The following NBAS variants were observed in gnomAD, a reference collection of about 807,000 sequenced individuals.
NBAS encodes the protein NAG/BC035112 fusion.
In NBAS, 219 loss-of-function variants were observed where a neutral mutation model predicts 302.5. The ratio of observed to expected loss-of-function variants is 0.72; its 90% CI spans 0.65 to 0.81. The LOEUF is 0.81. Ranked by LOEUF, NBAS falls within the 30% of genes least tolerant of loss-of-function variation. The pLI is 0.00. For missense variants in NBAS, 2,932 were observed against 2,841.6 expected (o/e 1.03, Z -0.72); for synonymous variants, 1,118 against 1,021.6 (o/e 1.09, Z -1.80).
chr2:15,397,729 C>T lies in NBAS; in HGVS notation c.3072-1254G>A, dbSNP rs1675937536. 6 of 353,844 alleles carry T rather than the reference C, an allele frequency of 1.7e-5. No homozygotes were observed. In the South Asian group the frequency reaches 2.2e-4, roughly 13 times the overall value. 21.9% of individuals were successfully genotyped at this position (353,844 alleles called of 1,614,324 possible). A position where few individuals can be genotyped will look rare whatever the true frequency, so the allele number is the denominator to read the frequency against. Reference sequence around the variant, plus strand: ...CACAGTTCATGCAGTGAACAGGCTGCATGTGGCTGTGGCCCTTTTTGGCAT... The same window carrying T: ...CACAGTTCATGCAGTGAACAGGCTGTATGTGGCTGTGGCCCTTTTTGGCAT... On this transcript the variant is annotated intron_variant, in intron 26 of 51. Coordinates refer to ENST00000281513, the MANE Select transcript of NBAS (RefSeq NM_015909.4).
the NBAS span, among the ~76,000 whole-genome samples, chr2:15,138,172 C>A: frequency 6.6e-6 from 1 of 152,154 alleles, no homozygotes; most frequent in Non-Finnish European, 1.5e-5. Flanking sequence ...GGATGGGAAA[C>A]AGTCGGGTGG....
intron 38 of NBAS, among the ~76,000 whole-genome samples, chr2:15,319,935 C>T (rs994055335): frequency 6.6e-5 from 10 of 150,676 alleles, no homozygotes; most frequent in African/African-American, 2.4e-4. Context: ...GGCAGAGACA[C>T]AACAAAAAAA....
At chr2:15,514,446 C>T (rs1662291505) in intron 9 of NBAS, among the ~76,000 whole-genome samples, 1 of 152,090 alleles carries the variant, frequency 6.6e-6, no homozygotes, top group South Asian at 2.1e-4. Flanking sequence ...ATTCATAAAA[C>T]ATACCTTTAA....
intron 38 of NBAS, among the ~76,000 whole-genome samples, chr2:15,326,389 C>T (rs559185202): frequency 3.9e-5 from 6 of 152,238 alleles, no homozygotes; most frequent in East Asian, 3.9e-4. Flanking sequence ...CCAATGTTTG[C>T]GAATGTTTTG....
chr2:15,276,298 T>G (rs541841834), intron 43 of NBAS, among the ~76,000 whole-genome samples: 1 of 152,216 alleles, frequency 6.6e-6, no homozygotes, highest in East Asian at 1.9e-4. Context: ...ACTCTCACAA[T>G]TATTATGAAT....
the NBAS span, among the ~76,000 whole-genome samples, chr2:15,085,309 C>T: frequency 0.049 from 7,432 of 152,040 alleles, 408 homozygotes; most frequent in African/African-American, 0.12. Context: ...CCAAGGGTGC[C>T]GTGTTCCTGC....
At chr2:15,071,992 G>C in the NBAS span, among the ~76,000 whole-genome samples, 1 of 152,174 alleles carries the variant, frequency 6.6e-6, no homozygotes, top group Non-Finnish European at 1.5e-5. Flanking sequence ...GGCAAACTTG[G>C]ATGAATATTC....
At chr2:14,789,935 T>A in the NBAS span, among the ~76,000 whole-genome samples, 2 of 152,234 alleles carry the variant, frequency 1.3e-5, no homozygotes, top group Admixed American at 1.3e-4. Flanking sequence ...TTATTTGTAA[T>A]AAGGGAACAG....
rs1006959890 is a variant in NBAS at position 15,428,782 on chromosome 2, G to A, written c.2340-988C>T. ...ATTAAGGCCAGGCGCGGTGGCTCACGCCTGTAATCCCAGCACTTTGGGAGG... is the reference window on the plus strand; with the variant it reads ...ATTAAGGCCAGGCGCGGTGGCTCACACCTGTAATCCCAGCACTTTGGGAGG... On this transcript the variant is annotated intron_variant, in intron 21 of 51. Coordinates refer to ENST00000281513, the MANE Select transcript of NBAS (RefSeq NM_015909.4). Among the ~76,000 whole-genome samples the A allele has an allele frequency of 2.2e-4, 33 of 152,080 alleles. 1 individual carries two copies. Among genetic ancestry groups the A allele is most frequent in the Admixed American group, 1.3e-3 (20 of 15,274 alleles).
At chr2:14,947,837 T>C in the NBAS span, among the ~76,000 whole-genome samples, 1 of 152,124 alleles carries the variant, frequency 6.6e-6, no homozygotes, top group Admixed American at 6.5e-5. Flanking sequence ...AAGGGATGTT[T>C]AATTTTATTA....
chr2:15,014,050 C>A, the NBAS span, among the ~76,000 whole-genome samples: 7 of 151,740 alleles, frequency 4.6e-5, no homozygotes, highest in African/African-American at 1.5e-4. Context: ...TAAAAGGAGA[C>A]AAATAATGAC....
chr2:14,838,873 G>C, the NBAS span, among the ~76,000 whole-genome samples: 6 of 151,924 alleles, frequency 3.9e-5, no homozygotes, highest in African/African-American at 1.4e-4. Context: ...TTGGCAACTA[G>C]GAAGGTATCT....
chr2:14,882,413 C>A, the NBAS span, among the ~76,000 whole-genome samples: 1 of 152,010 alleles, frequency 6.6e-6, no homozygotes, highest in African/African-American at 2.4e-5. Context: ...AAAGATGAAC[C>A]CTGGAAAAGA....
chr2:14,907,130 T>C, the NBAS span, among the ~76,000 whole-genome samples: 1 of 152,234 alleles, frequency 6.6e-6, no homozygotes, highest in South Asian at 2.1e-4. Context: ...CCCTGGCTGC[T>C]GTGGGGTAGA....
intron 1 of NBAS, among the ~76,000 whole-genome samples, chr2:15,559,079 A>AAAAAAAAAT: frequency 6.7e-6 from 1 of 150,360 alleles, no homozygotes; most frequent in Non-Finnish European, 1.5e-5. Context: ...AAAAAAAAAA[A>AAAAAAAAAT]AAAAAAAAGT....
At chr2:14,826,859 A>G in the NBAS span, among the ~76,000 whole-genome samples, 1 of 152,168 alleles carries the variant, frequency 6.6e-6, no homozygotes, top group African/African-American at 2.4e-5. Flanking sequence ...CCTGCCTCTG[A>G]CTACTTTTCT....
chr2:15,133,163 TG>T, the NBAS span, among the ~76,000 whole-genome samples: 1 of 152,220 alleles, frequency 6.6e-6, no homozygotes, highest in Non-Finnish European at 1.5e-5. Flanking sequence ...GGTGCTTATG[TG>T]TTGAAAGATA....
chr2:15,239,299 AAT>A (rs1243895647), intron 44 of NBAS, among the ~76,000 whole-genome samples: 1 of 151,858 alleles, frequency 6.6e-6, no homozygotes, highest in Non-Finnish European at 1.5e-5. Flanking sequence ...CTGCATATAC[AAT>A]ATATGTATTT....
the NBAS span, among the ~76,000 whole-genome samples, chr2:14,961,869 C>A: frequency 6.6e-6 from 1 of 152,138 alleles, no homozygotes; most frequent in Non-Finnish European, 1.5e-5. Context: ...ACCTCCACCT[C>A]TCAGGTTCAA....
Sources: allele counts gnomAD v4.1 joint callset (sites outside exome capture counted in the v4.1 genomes callset), GRCh38; gene constraint gnomAD v4.1.1; transcripts MANE v1.5; gene names NCBI Gene and HGNC (gene_info 2026-07-23, HGNC 2026-07-21).